The following DSCAML1 variants were observed in gnomAD, a reference collection of about 807,000 sequenced individuals.
The protein encoded by DSCAML1 is DS cell adhesion molecule like 1.
DSCAML1 carries 38 observed loss-of-function variants against 200.5 expected under a neutral mutation model. The observed-to-expected ratio is 0.19, with a 90% CI of 0.15 to 0.25. The LOEUF is 0.25. DSCAML1 is among the 10% of genes least tolerant of loss of function. The pLI, the probability that DSCAML1 is intolerant of heterozygous loss-of-function variation, is 1.00. For synonymous variants in DSCAML1, 1,215 were observed against 1,165.0 expected, an observed-to-expected ratio of 1.04 and a Z score of -0.87; for missense variants, 2,223 against 2,858.8, an observed-to-expected ratio of 0.78 and a Z score of 5.07.
intron 3 of DSCAML1, among the ~76,000 whole-genome samples, chr11:117,707,485 G>C (rs570473128): frequency 1.3e-5 from 2 of 152,236 alleles, no homozygotes; most frequent in South Asian, 4.2e-4. Flanking sequence ...ACTCCAAAAT[G>C]CTGCTGGAGG....
chr11:117,763,693 G>A (rs141859855), intron 3 of DSCAML1, among the ~76,000 whole-genome samples: 15,986 of 151,688 alleles, frequency 0.11, 920 homozygotes, highest in Middle Eastern at 0.12. Context: ...CCGGACCCCA[G>A]CTGCCCACTG....
chr11:117,696,008 G>C, intron 3 of DSCAML1, among the ~76,000 whole-genome samples: 1 of 152,218 alleles, frequency 6.6e-6, no homozygotes, highest in Non-Finnish European at 1.5e-5. Context: ...TGGAGAAGTG[G>C]AGGGATCACT....
chr11:117,661,350 C>A (rs1431602744), intron 3 of DSCAML1, among the ~76,000 whole-genome samples: 2 of 152,286 alleles, frequency 1.3e-5, no homozygotes, highest in Non-Finnish European at 1.5e-5. Flanking sequence ...GGGGCTTCTG[C>A]CGCAAGGGAG....
intron 32 of DSCAML1, 43 bp downstream of exon 32, chr11:117,430,678 AG>A: frequency 1.3e-6 from 2 of 1,508,780 alleles, no homozygotes; most frequent in South Asian, 1.2e-5. Flanking sequence ...GGCTGGGGCC[AG>A]GGGGCGGGGG....
intron 11 of DSCAML1, among the ~76,000 whole-genome samples, chr11:117,499,309 G>A (rs143096784): frequency 6.6e-6 from 1 of 152,184 alleles, no homozygotes; most frequent in Non-Finnish European, 1.5e-5. Flanking sequence ...CTGGGAGGTG[G>A]TCTGGTGTCT....
intron 3 of DSCAML1, among the ~76,000 whole-genome samples, chr11:117,563,516 A>G (rs1328776494): frequency 6.6e-6 from 1 of 152,172 alleles, no homozygotes; most frequent in African/African-American, 2.4e-5. Context: ...ATAGATGTAA[A>G]GGAAGCTCCG....
At chr11:117,449,965 C>G (rs893543114) in intron 20 of DSCAML1, among the ~76,000 whole-genome samples, 1 of 152,222 alleles carries the variant, frequency 6.6e-6, no homozygotes, top group African/African-American at 2.4e-5. Flanking sequence ...TGCCCTATGT[C>G]CTGCCTGGGG....
intron 3 of DSCAML1, among the ~76,000 whole-genome samples, chr11:117,613,506 C>T (rs74860176): frequency 0.016 from 2,380 of 152,248 alleles, 30 homozygotes; most frequent in East Asian, 0.057. Context: ...CTAGCTGAAG[C>T]TGCTCACAGT....
At chr11:117,448,488 C>A (rs1247049921) in intron 20 of DSCAML1, among the ~76,000 whole-genome samples, 2 of 152,130 alleles carry the variant, frequency 1.3e-5, no homozygotes, top group African/African-American at 4.8e-5. Context: ...ACAGTGACTG[C>A]CTTCAAATGC....
Position 117,504,918 on chromosome 11 carries a change from G to T in DSCAML1, c.2182+6C>A. 6 of 1,603,952 alleles carry T rather than the reference G, an allele frequency of 3.7e-6. No individual in the cohort carries two copies. The highest frequency in any genetic ancestry group is 5.1e-6 in the Non-Finnish European group (6 of 1,173,498). On this transcript the variant is annotated splice_donor_region_variant and intron_variant, in intron 10 of 32. Transcript: ENST00000651296. The surrounding 1 kb of genome is among the most constrained non-coding windows in gnomAD (Gnocchi z 5.0). ...CTTGGAGATTCTGGCTGGGCCAGGG[G>T]CTTACCCTTGGCATGCTTCCACATG...
At chr11:117,694,779 G>A (rs1038477999) in intron 3 of DSCAML1, among the ~76,000 whole-genome samples, 8 of 152,256 alleles carry the variant, frequency 5.3e-5, no homozygotes, top group Non-Finnish European at 7.3e-5. Flanking sequence ...GGAACAGACA[G>A]ATCTTGAACT....
intron 3 of DSCAML1, among the ~76,000 whole-genome samples, chr11:117,607,899 C>T (rs897318395): frequency 1.3e-5 from 2 of 152,170 alleles, no homozygotes; most frequent in Non-Finnish European, 2.9e-5. Flanking sequence ...AGAATGTGAA[C>T]CTCACAAGAG....
intron 11 of DSCAML1, among the ~76,000 whole-genome samples, chr11:117,495,733 T>A (rs1314833893): frequency 1.3e-5 from 2 of 152,072 alleles, no homozygotes; most frequent in African/African-American, 2.4e-5. Context: ...CTACTCCATT[T>A]CTATTGGTGG....
At chr11:117,721,105 T>C (rs755553715) in intron 3 of DSCAML1, among the ~76,000 whole-genome samples, 6 of 152,236 alleles carry the variant, frequency 3.9e-5, no homozygotes, top group Non-Finnish European at 7.3e-5. Flanking sequence ...ACTTAACAAG[T>C]GGCAGATTCC....
chr11:117,733,335 C>G (rs2054258311), intron 3 of DSCAML1, among the ~76,000 whole-genome samples: 2 of 152,184 alleles, frequency 1.3e-5, no homozygotes, highest in African/African-American at 4.8e-5. Flanking sequence ...AGCGCACTGC[C>G]TCCCGAAGAA....
intron 1 of DSCAML1, among the ~76,000 whole-genome samples, chr11:117,790,024 C>A (rs1012287536): frequency 1.3e-5 from 2 of 152,180 alleles, no homozygotes; most frequent in African/African-American, 4.8e-5. Context: ...CCAAGGTGAT[C>A]ACCTGAATCT....
At chr11:117,814,208 C>T (rs1353654394) in intron 1 of DSCAML1, among the ~76,000 whole-genome samples, 1 of 152,192 alleles carries the variant, frequency 6.6e-6, no homozygotes, top group African/African-American at 2.4e-5. Flanking sequence ...AAAACGGCCC[C>T]ACCCCTATCT....
intron 1 of DSCAML1, among the ~76,000 whole-genome samples, chr11:117,793,369 C>T (rs561187496): frequency 1.5e-4 from 23 of 152,260 alleles, no homozygotes; most frequent in South Asian, 4.1e-4. Flanking sequence ...GGAAGAAGCT[C>T]GCAGCCTGGA....
chr11:117,794,184 A>G (rs2055530828), intron 1 of DSCAML1, among the ~76,000 whole-genome samples: 1 of 152,172 alleles, frequency 6.6e-6, no homozygotes, highest in Admixed American at 6.5e-5. Context: ...AATCAATGCA[A>G]TCCATTATTT....
Sources: gnomAD v4.1 joint callset for allele counts (sites outside exome capture counted in the v4.1 genomes callset) on GRCh38, gnomAD v4.1.1 for gene constraint, Gnocchi (gnomAD v3.1) non-coding constraint, MANE v1.5 for transcripts, NCBI Gene and HGNC (gene_info 2026-07-23, HGNC 2026-07-21) for gene names.